KALRN: variants seen among roughly 807,000 people sequenced by gnomAD.
KALRN encodes the protein kalirin.
Under a neutral mutation model 353.7 loss-of-function variants are expected in KALRN, and 70 were observed. The ratio of observed to expected loss-of-function variants is 0.20; its 90% CI spans 0.16 to 0.24. The LOEUF is 0.24. Among genes scored for constraint, KALRN ranks in the 10% least tolerant of loss-of-function variants. KALRN has a pLI of 1.00. For synonymous variants in KALRN, 1,391 were observed against 1,434.8 expected, an observed-to-expected ratio of 0.97 and a Z score of 0.69; for missense variants, 2,791 against 3,756.7, an observed-to-expected ratio of 0.74 and a Z score of 6.72.
intron 13 of KALRN, among the ~76,000 whole-genome samples, chr3:124,411,225 A>C (rs1477031989): frequency 6.6e-6 from 1 of 152,114 alleles, no homozygotes; most frequent in Non-Finnish European, 1.5e-5. Context: ...GGAAGGGGGC[A>C]CAAGCAGGTT....
chr3:124,451,860 T>C (rs1270187309), intron 21 of KALRN, among the ~76,000 whole-genome samples: 1 of 152,254 alleles, frequency 6.6e-6, no homozygotes, highest in East Asian at 1.9e-4. Flanking sequence ...CTACCATTTC[T>C]ATACCACAGC....
chr3:124,377,451 C>T (rs1382462910), intron 10 of KALRN, among the ~76,000 whole-genome samples: 1 of 151,718 alleles, frequency 6.6e-6, no homozygotes, highest in Non-Finnish European at 1.5e-5. Context: ...TGTTGAGACT[C>T]ATTCTATGGC....
In KALRN at chr3:124,594,438, A is replaced by G. The variant is rs192531448; in HGVS notation, c.5182+31349A>G. On this transcript the variant is annotated intron_variant, in intron 34 of 59. Coordinates refer to ENST00000682506, the MANE Select transcript of KALRN (RefSeq NM_001388419.1). ...ATGGGGTTTCACCATGTTGGCCAGG[A>G]TGGTCTCGATCTCTTGACCTTGTGA... is the stretch of plus-strand genomic sequence containing the variant. Among the ~76,000 whole-genome samples, 23 of 152,246 alleles carry G rather than the reference A, an allele frequency of 1.5e-4. 1 individual carries two copies. The East Asian group carries it at 4.5e-3, about 29-fold the overall frequency.
chr3:124,566,408 G>A (rs1333151212), intron 34 of KALRN, among the ~76,000 whole-genome samples: 1 of 152,048 alleles, frequency 6.6e-6, no homozygotes, highest in East Asian at 1.9e-4. Context: ...AGGAGGCTGA[G>A]GTGGGAGGAT....
At chr3:124,428,016 T>C (rs1438705262) in intron 15 of KALRN, among the ~76,000 whole-genome samples, 1 of 152,216 alleles carries the variant, frequency 6.6e-6, no homozygotes, top group African/African-American at 2.4e-5. Flanking sequence ...GCTTAAATGA[T>C]GTTTGCAATG....
chr3:124,449,831 C>G (rs560058653), intron 21 of KALRN, among the ~76,000 whole-genome samples: 2 of 152,318 alleles, frequency 1.3e-5, no homozygotes, highest in South Asian at 4.2e-4. Flanking sequence ...CTTCCCCTAG[C>G]CTAATGCTTT....
chr3:124,660,166 C>G (rs983920807), intron 43 of KALRN, among the ~76,000 whole-genome samples: 3 of 152,068 alleles, frequency 2.0e-5, no homozygotes, highest in African/African-American at 7.2e-5. Flanking sequence ...CTCCTGGCCT[C>G]AAGCAGCCCT....
Position 124,539,922 on chromosome 3 carries a change from T to TTTGGGG in KALRN, c.4936-22921_4936-22920insTTGGGG, listed in dbSNP as rs760016132. 3.2e-3 allele frequency among the ~76,000 whole-genome samples: 428 copies of TTTGGGG among 131,900 alleles called. 2 individuals carry two copies. Among genetic ancestry groups the TTTGGGG allele is most frequent in the Non-Finnish European group, 4.3e-3 (267 of 62,476 alleles). 86.5% of individuals were successfully genotyped at this position (131,900 alleles called of 152,430 possible). Reference sequence around the variant, plus strand: ...ATCACCACACCAAGCTAATTTTTTTTGGGGGGGGGGACAGGGTCTCACTGT... The same window carrying TTTGGGG: ...ATCACCACACCAAGCTAATTTTTTTTTTGGGGGGGGGGGGGGACAGGGTCTCACTGT... On this transcript the variant is annotated intron_variant, in intron 33 of 59. Transcript: ENST00000682506.
chr3:124,044,385 CA>C (rs1363797659), intron 1 of KALRN, among the ~76,000 whole-genome samples: 9 of 152,130 alleles, frequency 5.9e-5, no homozygotes, highest in Admixed American at 5.9e-4. Flanking sequence ...AATCTTAGAA[CA>C]GGAACTTACC....
At chr3:124,424,260 AT>A (rs906562867) in intron 15 of KALRN, among the ~76,000 whole-genome samples, 22 of 150,612 alleles carry the variant, frequency 1.5e-4, no homozygotes, top group Admixed American at 4.0e-4. Context: ...TCTTTTAAAC[AT>A]TTTTTTTTCT....
At chr3:124,350,877 G>T (rs1006856518) in intron 10 of KALRN, among the ~76,000 whole-genome samples, 1 of 152,200 alleles carries the variant, frequency 6.6e-6, no homozygotes. Context: ...GGGTTTGTGA[G>T]CCATCCCATT....
chr3:124,188,640 T>C (rs973138381), intron 1 of KALRN, among the ~76,000 whole-genome samples: 2 of 152,106 alleles, frequency 1.3e-5, no homozygotes, highest in African/African-American at 4.8e-5. Context: ...AGCAGGTGTT[T>C]CAGAGGGGAG....
intron 1 of KALRN, among the ~76,000 whole-genome samples, chr3:124,159,574 CTTTT>C (rs10576641): frequency 2.1e-5 from 3 of 144,026 alleles, no homozygotes; most frequent in Non-Finnish European, 1.5e-5. Context: ...ACCTGGCTGG[CTTTT>C]TTTTTTTTTT....
chr3:124,085,262 C>T (rs967889014), intron 1 of KALRN, among the ~76,000 whole-genome samples: 3 of 152,248 alleles, frequency 2.0e-5, no homozygotes, highest in South Asian at 2.1e-4. Flanking sequence ...TGTAAGTAGC[C>T]GCATAATCTT....
intron 1 of KALRN, among the ~76,000 whole-genome samples, chr3:124,186,424 G>T (rs1386995369): frequency 6.6e-6 from 1 of 152,132 alleles, no homozygotes; most frequent in Non-Finnish European, 1.5e-5. Flanking sequence ...TTGTAGTAGG[G>T]ATTAAATGAG....
At chr3:124,234,761 CT>C (rs1251932730) in intron 2 of KALRN, 67 bp from the exon 3 acceptor site, 3 of 1,245,612 alleles carry the variant, frequency 2.4e-6, no homozygotes, top group Non-Finnish European at 3.4e-6. Flanking sequence ...AGACAGATTT[CT>C]TTTTCCTCTG....
At chr3:124,577,881 AC>A (rs2074270324) in intron 34 of KALRN, among the ~76,000 whole-genome samples, 3 of 152,068 alleles carry the variant, frequency 2.0e-5, no homozygotes, top group African/African-American at 7.2e-5. Context: ...AAACAAACAA[AC>A]AAACAAACAA....
intron 33 of KALRN, among the ~76,000 whole-genome samples, chr3:124,540,414 C>T (rs532144551): frequency 6.6e-5 from 10 of 152,038 alleles, no homozygotes; most frequent in South Asian, 6.2e-4. Context: ...TGTAGCCAGA[C>T]GATGTTTCTT....
At chr3:124,267,853 A>G (rs990960286) in intron 4 of KALRN, among the ~76,000 whole-genome samples, 2 of 152,208 alleles carry the variant, frequency 1.3e-5, no homozygotes, top group African/African-American at 2.4e-5. Flanking sequence ...CTTTACACAC[A>G]TTGATACATT....
Sources: gnomAD v4.1 joint callset for allele counts (sites outside exome capture counted in the v4.1 genomes callset) on GRCh38, gnomAD v4.1.1 for gene constraint, MANE v1.5 for transcripts, NCBI Gene and HGNC (gene_info 2026-07-23, HGNC 2026-07-21) for gene names.